PPP2R2C: variants seen among roughly 807,000 people sequenced by gnomAD.
PPP2R2C encodes the protein protein phosphatase 2 regulatory subunit Bgamma.
In PPP2R2C, 10 loss-of-function variants were observed where a neutral mutation model predicts 45.3. The ratio of observed to expected loss-of-function variants is 0.22; its 90% CI spans 0.14 to 0.37. PPP2R2C has a LOEUF of 0.37. Among genes scored for constraint, PPP2R2C ranks in the 10% least tolerant of loss-of-function variants. The probability of loss-of-function intolerance (pLI) is 1.00; values close to 1 mark genes in which losing one functional copy is unlikely to be tolerated. For missense variants in PPP2R2C, 308 were observed against 619.7 expected (o/e 0.50, Z 5.34); for synonymous variants, 257 against 245.4 (o/e 1.05, Z -0.44).
chr4:6,415,164 T>C (rs761365759), intron 1 of PPP2R2C, among the ~76,000 whole-genome samples: 48 of 152,218 alleles, frequency 3.2e-4, no homozygotes, highest in Admixed American at 7.2e-4. Flanking sequence ...GGGCCTTCTC[T>C]CTTGGAGGTG....
chr4:6,465,824 T>C (rs1186468660), intron 1 of PPP2R2C, among the ~76,000 whole-genome samples: 1 of 152,232 alleles, frequency 6.6e-6, no homozygotes, highest in Admixed American at 6.5e-5. Context: ...CAGAGGAAAC[T>C]AACTTAACTG....
At chr4:6,365,389 A>C (rs532274171) in intron 5 of PPP2R2C, among the ~76,000 whole-genome samples, 48 of 152,312 alleles carry the variant, frequency 3.2e-4, no homozygotes, top group African/African-American at 1.2e-3. Context: ...GGTGGCCTGT[A>C]AGGTACCCGA....
At chr4:6,509,679 G>A (rs1723363620) in intron 2 of PPP2R2C, among the ~76,000 whole-genome samples, 1 of 152,224 alleles carries the variant, frequency 6.6e-6, no homozygotes, top group Admixed American at 6.5e-5. Flanking sequence ...AAAGCTGTGA[G>A]CTATGCCACC....
At chr4:6,523,078 C>G (rs984851474) in intron 2 of PPP2R2C, among the ~76,000 whole-genome samples, 1 of 152,326 alleles carries the variant, frequency 6.6e-6, no homozygotes, top group East Asian at 1.9e-4. Flanking sequence ...TCTCCAAGTG[C>G]GGTTCCAGGG....
At chr4:6,543,739 G>A (rs1029103547) in intron 1 of PPP2R2C, among the ~76,000 whole-genome samples, 1 of 152,140 alleles carries the variant, frequency 6.6e-6, no homozygotes, top group African/African-American at 2.4e-5. Flanking sequence ...AGGCTCCCTT[G>A]CCCTGCCCGT....
At chr4:6,424,894 A>G (rs952655889) in intron 1 of PPP2R2C, among the ~76,000 whole-genome samples, 2 of 152,162 alleles carry the variant, frequency 1.3e-5, no homozygotes, top group African/African-American at 4.8e-5. Context: ...TCAAATCCCA[A>G]TGCCGCCACT....
At chr4:6,327,652 G>T (rs114920490) in intron 8 of PPP2R2C, among the ~76,000 whole-genome samples, 3,279 of 152,330 alleles carry the variant, frequency 0.022, 99 homozygotes, top group African/African-American at 0.075. Context: ...AGCCCTGTCT[G>T]CTGGGGGTGT....
At chr4:6,495,318 C>T (rs996295530) in intron 2 of PPP2R2C, among the ~76,000 whole-genome samples, 2 of 152,224 alleles carry the variant, frequency 1.3e-5, no homozygotes, top group African/African-American at 4.8e-5. Flanking sequence ...GACAGTTGGC[C>T]CCAGAACACA....
At chr4:6,372,980 A>G (rs1388878327) in intron 4 of PPP2R2C, among the ~76,000 whole-genome samples, 1 of 152,102 alleles carries the variant, frequency 6.6e-6, no homozygotes, top group Non-Finnish European at 1.5e-5. Flanking sequence ...ACAAAAAGAT[A>G]CTGTGGCAGA....
chr4:6,360,643 G>A (rs1259839845), intron 5 of PPP2R2C, among the ~76,000 whole-genome samples: 3 of 152,220 alleles, frequency 2.0e-5, no homozygotes, highest in Admixed American at 2.0e-4. Flanking sequence ...CACACATGGA[G>A]TTCATCTTGA....
intron 5 of PPP2R2C, among the ~76,000 whole-genome samples, chr4:6,367,704 T>C (rs571347243): frequency 6.6e-6 from 1 of 152,320 alleles, no homozygotes; most frequent in East Asian, 1.9e-4. Flanking sequence ...CTCTGCCAAG[T>C]AAGGCTTCTC....
chr4:6,393,090 T>C (rs1716768881), intron 1 of PPP2R2C, among the ~76,000 whole-genome samples: 1 of 152,244 alleles, frequency 6.6e-6, no homozygotes, highest in Non-Finnish European at 1.5e-5. Context: ...CACTTTTAAA[T>C]GTACACTTGA....
chr4:6,462,389 G>T (rs975374615), intron 1 of PPP2R2C, among the ~76,000 whole-genome samples: 10 of 152,174 alleles, frequency 6.6e-5, no homozygotes, highest in African/African-American at 2.4e-4. Context: ...TGAGGCAGGA[G>T]AATCACTTGA....
chr4:6,373,891 A>G (rs1715078706), intron 4 of PPP2R2C, among the ~76,000 whole-genome samples: 1 of 134,970 alleles, frequency 7.4e-6, no homozygotes, highest in African/African-American at 3.0e-5. Context: ...GTATACGTGT[A>G]TGTGCATGCA....
intron 1 of PPP2R2C, among the ~76,000 whole-genome samples, chr4:6,432,921 C>T (rs1408347127): frequency 6.6e-6 from 1 of 152,132 alleles, no homozygotes; most frequent in African/African-American, 2.4e-5. Flanking sequence ...CCTCAGCCTA[C>T]TCAACATGAA....
intron 8 of PPP2R2C, among the ~76,000 whole-genome samples, chr4:6,326,399 C>T (rs1731941782): frequency 6.6e-6 from 1 of 152,130 alleles, no homozygotes. Context: ...TGTTTGACTC[C>T]CGCACCCGAG....
At chr4:6,550,063 G>A (rs1312548675) in intron 1 of PPP2R2C, among the ~76,000 whole-genome samples, 1 of 152,148 alleles carries the variant, frequency 6.6e-6, no homozygotes, top group Non-Finnish European at 1.5e-5. Context: ...TCACAGCGGG[G>A]TAGGGGGACA....
rs139616371 is a variant in PPP2R2C at position 6,446,650 on chromosome 4, G to A, written c.70+25510C>T. Among the ~76,000 whole-genome samples, 203 of 152,150 alleles carry A rather than the reference G, an allele frequency of 1.3e-3. 1 individual carries two copies. Among genetic ancestry groups the A allele is most frequent in the African/African-American group, 4.7e-3 (194 of 41,510 alleles). On this transcript the variant is annotated intron_variant, in intron 1 of 8. Transcript: ENST00000382599. ...TCCTGGGGCACGTCTGCAGGCCTCC[G>A]AGTTCCCTGCCTCCAAGAACATGTC... is the stretch of plus-strand genomic sequence containing the variant.
chr4:6,326,809 A>T (rs1731981682), intron 8 of PPP2R2C, among the ~76,000 whole-genome samples: 2 of 152,208 alleles, frequency 1.3e-5, no homozygotes, highest in South Asian at 4.1e-4. Flanking sequence ...TGCCGGTGCT[A>T]GGAAGCCCCA....
Sources: gnomAD v4.1 joint callset for allele counts (sites outside exome capture counted in the v4.1 genomes callset) on GRCh38, gnomAD v4.1.1 for gene constraint, MANE v1.5 for transcripts, NCBI Gene and HGNC (gene_info 2026-07-23, HGNC 2026-07-21) for gene names.